The following KATNAL1 variants were observed in gnomAD, a reference collection of about 807,000 sequenced individuals.
KATNAL1 encodes the protein katanin catalytic subunit A1 like 1.
A neutral mutation model predicts 55.2 loss-of-function variants in KATNAL1; 32 were observed. That is an observed-to-expected ratio of 0.58 (90% CI 0.44 to 0.78). The LOEUF is 0.78. Ranked by LOEUF, KATNAL1 falls within the 30% of genes least tolerant of loss-of-function variation. The pLI is 0.00. For missense variants in KATNAL1, 466 were observed against 600.9 expected (o/e 0.78, Z 2.35); for synonymous variants, 193 against 193.6 (o/e 1.00, Z 0.02).
chr13:30,209,041 G>A (rs573279333), intron 10 of KATNAL1, among the ~76,000 whole-genome samples: 2 of 152,302 alleles, frequency 1.3e-5, no homozygotes, highest in African/African-American at 4.8e-5. Flanking sequence ...GGAAACTGAA[G>A]TCAAATTTTG....
chr13:30,285,389 T>C (rs775904888), intron 1 of KATNAL1, among the ~76,000 whole-genome samples: 2 of 152,070 alleles, frequency 1.3e-5, no homozygotes, highest in Non-Finnish European at 2.9e-5. Flanking sequence ...CTCCATGCTG[T>C]TCTTGTGATA....
chr13:30,209,447 T>C (rs999536409), intron 10 of KATNAL1, among the ~76,000 whole-genome samples: 2 of 152,116 alleles, frequency 1.3e-5, no homozygotes, highest in Non-Finnish European at 2.9e-5. Context: ...TGGATGCACA[T>C]GGGAAAAATG....
intron 3 of KATNAL1, among the ~76,000 whole-genome samples, chr13:30,274,905 GCGCACACACACACA>G (rs1419177942): frequency 3.4e-4 from 29 of 84,348 alleles, no homozygotes; most frequent in African/African-American, 8.4e-4. Flanking sequence ...GCGCGCGCGC[GCGCACACACACACA>G]CACACACACA....
At chr13:30,284,904 G>C (rs528535441) in intron 1 of KATNAL1, among the ~76,000 whole-genome samples, 1 of 152,292 alleles carries the variant, frequency 6.6e-6, no homozygotes, top group East Asian at 1.9e-4. Flanking sequence ...AGCAAGTCCA[G>C]AGTTACAGGA....
intron 6 of KATNAL1, among the ~76,000 whole-genome samples, chr13:30,235,700 T>G (rs776428057): frequency 6.6e-6 from 1 of 152,218 alleles, no homozygotes. Context: ...GATCTCGCCC[T>G]GTAAGTTTCT....
chr13:30,209,948 A>AT, intron 10 of KATNAL1, among the ~76,000 whole-genome samples: 1 of 152,130 alleles, frequency 6.6e-6, no homozygotes, highest in South Asian at 2.1e-4. Flanking sequence ...CACCTGGCTA[A>AT]TTTTTTGTAT....
At chr13:30,214,261 T>G (rs933208002) in intron 9 of KATNAL1, among the ~76,000 whole-genome samples, 14 of 152,138 alleles carry the variant, frequency 9.2e-5, no homozygotes, top group Non-Finnish European at 1.6e-4. Context: ...CACTCCTCAA[T>G]GAAATAAAAG....
intron 9 of KATNAL1, among the ~76,000 whole-genome samples, chr13:30,214,719 T>C (rs1593830415): frequency 6.6e-6 from 1 of 152,008 alleles, no homozygotes; most frequent in African/African-American, 2.4e-5. Context: ...TTGCTAGCCA[T>C]ATGTAGAAAG....
At chr13:30,305,679 T>C (rs1883133484) in intron 1 of KATNAL1, among the ~76,000 whole-genome samples, 1 of 152,252 alleles carries the variant, frequency 6.6e-6, no homozygotes, top group African/African-American at 2.4e-5. Flanking sequence ...TCACAGCACC[T>C]GACATATTCA....
At chr13:30,214,939 A>C (rs903429517) in intron 9 of KATNAL1, among the ~76,000 whole-genome samples, 2 of 152,100 alleles carry the variant, frequency 1.3e-5, no homozygotes, top group African/African-American at 2.4e-5. Flanking sequence ...TAATTAAACT[A>C]AAGAGCTTCT....
intron 4 of KATNAL1, among the ~76,000 whole-genome samples, chr13:30,245,577 T>G (rs530839559): frequency 1.3e-5 from 2 of 152,134 alleles, no homozygotes; most frequent in South Asian, 2.1e-4. Flanking sequence ...GAGAAAGAAA[T>G]AAAGGGGATT....
intron 9 of KATNAL1, among the ~76,000 whole-genome samples, chr13:30,218,464 T>G (rs1007570599): frequency 1.3e-5 from 2 of 152,084 alleles, no homozygotes; most frequent in African/African-American, 4.8e-5. Context: ...TTGCCTTCTG[T>G]TGACTACAGC....
intron 4 of KATNAL1, among the ~76,000 whole-genome samples, chr13:30,244,731 C>A (rs1877613923): frequency 6.6e-6 from 1 of 152,082 alleles, no homozygotes; most frequent in African/African-American, 2.4e-5. Context: ...CCACTGATTC[C>A]ACAGAAATAC....
chr13:30,278,199 T>C (rs1228813291), intron 3 of KATNAL1, among the ~76,000 whole-genome samples: 2 of 151,810 alleles, frequency 1.3e-5, no homozygotes, highest in East Asian at 1.9e-4. Flanking sequence ...ATGGTATACA[T>C]GGGAATGAAA....
At chr13:30,215,215 C>T (rs912169885) in intron 9 of KATNAL1, among the ~76,000 whole-genome samples, 7 of 151,770 alleles carry the variant, frequency 4.6e-5, no homozygotes, top group Admixed American at 3.3e-4. Context: ...CAAATCAAAA[C>T]CACAATGAGA....
chr13:30,297,440 T>C (rs1418304115), intron 1 of KATNAL1, among the ~76,000 whole-genome samples: 1 of 152,216 alleles, frequency 6.6e-6, no homozygotes, highest in African/African-American at 2.4e-5. Flanking sequence ...ACATTGTTGG[T>C]ATGGAAAGCA....
In KATNAL1 at chr13:30,306,170, A is replaced by G. The variant is rs1319917589; in HGVS notation, c.-15+1161T>C. Among the ~76,000 whole-genome samples the G allele has an allele frequency of 2.0e-5, 3 of 152,230 alleles. No individual in the cohort carries two copies. In the East Asian group the frequency reaches 5.8e-4, roughly 29 times the overall value. ...TATTAAAAAATTTTAAAGGGTCGTCAAGGAAGGTTTCGTAAATCTGTGTCA... is the reference window on the plus strand; with the variant it reads ...TATTAAAAAATTTTAAAGGGTCGTCGAGGAAGGTTTCGTAAATCTGTGTCA... On this transcript the variant is annotated intron_variant, in intron 1 of 10. Transcript: ENST00000380615.
At chr13:30,209,419 A>C (rs560029101) in intron 10 of KATNAL1, among the ~76,000 whole-genome samples, 28 of 152,374 alleles carry the variant, frequency 1.8e-4, no homozygotes, top group African/African-American at 6.5e-4. Flanking sequence ...TTGCAACCTT[A>C]TTGTATGCCA....
chr13:30,273,088 C>T (rs1381211652), intron 3 of KATNAL1, among the ~76,000 whole-genome samples: 1 of 152,192 alleles, frequency 6.6e-6, no homozygotes, highest in African/African-American at 2.4e-5. Context: ...AGCAGTTGTC[C>T]ATCTAGCCCA....
Sources: gnomAD v4.1 joint callset for allele counts (sites outside exome capture counted in the v4.1 genomes callset) on GRCh38, gnomAD v4.1.1 for gene constraint, MANE v1.5 for transcripts, NCBI Gene and HGNC (gene_info 2026-07-23, HGNC 2026-07-21) for gene names.